The following TIMELESS variants were observed in gnomAD, a reference collection of about 807,000 sequenced individuals.
TIMELESS encodes protein timeless homolog.
TIMELESS carries 124 observed loss-of-function variants against 164.3 expected under a neutral mutation model. The observed-to-expected ratio is 0.75, with a 90% CI of 0.65 to 0.88. The LOEUF (loss-of-function observed/expected upper bound fraction) is 0.88, where lower values mean the gene tolerates loss of function less well. Among genes scored for constraint, TIMELESS ranks in the 40% least tolerant of loss-of-function variants. The pLI is 0.00. For synonymous variants in TIMELESS, 564 were observed against 563.4 expected, an observed-to-expected ratio of 1.00 and a Z score of -0.02; for missense variants, 1,422 against 1,491.4, an observed-to-expected ratio of 0.95 and a Z score of 0.77.
chr12:56,432,322 A>G (rs765216554), intron 7 of TIMELESS, 47 bp downstream of exon 7: 2 of 1,573,722 alleles, frequency 1.3e-6, no homozygotes, highest in Admixed American at 1.7e-5. Flanking sequence ...TGTACAGCAG[A>G]AAAGTACATG....
chr12:56,431,963 C>A (rs1271719656), intron 7 of TIMELESS, among the ~76,000 whole-genome samples: 3 of 151,720 alleles, frequency 2.0e-5, no homozygotes, highest in Non-Finnish European at 2.9e-5. Context: ...TACACATATT[C>A]TATTATGTTT....
intron 1 of TIMELESS, among the ~76,000 whole-genome samples, chr12:56,437,493 G>A (rs1014042551): frequency 7.3e-5 from 11 of 151,554 alleles, no homozygotes; most frequent in African/African-American, 2.4e-4. Flanking sequence ...GTACAATCAC[G>A]GCTCACTGTA....
chr12:56,421,224 C>A (rs534049350), intron 23 of TIMELESS, 90 bp from the exon 24 acceptor site: 623 of 1,588,072 alleles, frequency 3.9e-4, no homozygotes, highest in Non-Finnish European at 4.9e-4. Context: ...CGCACCCCCC[C>A]GCGCCTGCTC....
rs1349041347 is a variant in TIMELESS, at chr12:56,417,738, A to C, written c.3605T>G (p.Ile1202Ser). The change falls in exon 29 of 29, where the codon ATT becomes AGT. Residue 1202 changes from isoleucine to serine, a missense_variant. Physicochemically the swap from Ile to Ser is moderately radical, Grantham distance 142. Coordinates refer to ENST00000553532, the MANE Select transcript of TIMELESS (RefSeq NM_003920.5). Reference protein sequence around the residue: ...PGIQKKKRYQIEDDEDD With the variant: ...PGIQKKKRYQSEDDEDD The stretch of plus-strand genomic sequence containing the variant: ...TCTTCAGTCATCCTCATCATCCTCA[A>C]TCTGGTATCGTTTCTTCTTTTGGAT... The C allele has an allele frequency of 1.2e-6, 2 of 1,613,824 alleles. No homozygotes were observed.
chr12:56,417,713 TC>T lies in TIMELESS; in HGVS notation c.*2del. 1.2e-6 allele frequency: 2 copies of T among 1,614,140 alleles called. No homozygotes were observed. The highest frequency in any genetic ancestry group is 1.7e-6 in the Non-Finnish European group (2 of 1,180,012). ...TATCTCTACCCCTAGGCTTCTTAGC[TC>T]TTCAGTCATCCTCATCATCCTCAAT... is the stretch of plus-strand genomic sequence containing the variant. On this transcript the variant is annotated 3_prime_UTR_variant, in exon 29 of 29. Coordinates refer to ENST00000553532, the MANE Select transcript of TIMELESS (RefSeq NM_003920.5).
At position 56,418,219 on chromosome 12, in the gene TIMELESS, C is replaced by T. The variant is rs199741982; in HGVS notation, c.3369G>A (p.Glu1123=). 1.4e-5 allele frequency: 22 copies of T among 1,614,082 alleles called. No individual in the cohort carries two copies. The highest frequency in any genetic ancestry group is 1.8e-5 in the Non-Finnish European group (21 of 1,180,036). The part of the protein sequence containing the change: ...PKVPGEQGSD[E]EHCKEHRAQA... ...GTGCTCGGTGCTCTTTACAGTGCTC[C>T]TCATCAGAGCCTTGCTCTCCAGGGA... Residue 1123 remains glutamate, a synonymous_variant, in exon 27 of 29, where the codon GAG becomes GAA. Transcript: ENST00000553532.
At chr12:56,432,846 G>A (rs931661784) in intron 6 of TIMELESS, among the ~76,000 whole-genome samples, 180 bp downstream of exon 6, 3 of 151,546 alleles carry the variant, frequency 2.0e-5, no homozygotes, top group Non-Finnish European at 2.9e-5. Context: ...CTACTCAGGA[G>A]GCAGAGGCTG....
At chr12:56,441,182 T>C (rs544007219) in intron 1 of TIMELESS, among the ~76,000 whole-genome samples, 2 of 152,240 alleles carry the variant, frequency 1.3e-5, no homozygotes, top group Non-Finnish European at 2.9e-5. Flanking sequence ...TTTTTAAATG[T>C]TATTTTTCTA....
chr12:56,419,105 C>T (rs540831178), intron 26 of TIMELESS, among the ~76,000 whole-genome samples: 1 of 151,802 alleles, frequency 6.6e-6, no homozygotes, highest in East Asian at 2.0e-4. Context: ...AATTCTCCTG[C>T]CTCAGCCTCC....
At chr12:56,429,130 A>C (rs767328823) in intron 10 of TIMELESS, 30 bp from the exon 11 acceptor site, 1 of 1,579,496 alleles carries the variant, frequency 6.3e-7, no homozygotes, top group South Asian at 1.1e-5. Flanking sequence ...AAAAAAGATC[A>C]CCATGACTCC....
chr12:56,437,258 G>A (rs2136149084), intron 1 of TIMELESS, among the ~76,000 whole-genome samples: 1 of 152,156 alleles, frequency 6.6e-6, no homozygotes, highest in East Asian at 1.9e-4. Flanking sequence ...GCCGAATTTT[G>A]AATCAACAGA....
At chr12:56,446,892 A>G (rs186217285) in intron 1 of TIMELESS, among the ~76,000 whole-genome samples, 87 of 152,038 alleles carry the variant, frequency 5.7e-4, no homozygotes, top group Middle Eastern at 3.4e-3. Flanking sequence ...CTTAATGTCT[A>G]CTGTGTACCA....
chr12:56,447,214 G>A (rs1182566970), intron 1 of TIMELESS, among the ~76,000 whole-genome samples: 3 of 131,210 alleles, frequency 2.3e-5, no homozygotes, highest in Admixed American at 8.5e-5. Context: ...TTTTTTAGTA[G>A]AGATAGGAAT....
Position 56,433,101 on chromosome 12 carries a change from G to A in TIMELESS, c.456C>T (p.Asp152=). The A allele has an allele frequency of 1.9e-6, 3 of 1,614,086 alleles. No homozygotes were observed. The highest frequency in any genetic ancestry group is 2.5e-6 in the Non-Finnish European group (3 of 1,179,990). ...QLGWEERQEE[D]NLLIERILLL... ...GTAGGATCCGTTCAATCAGCAAGTT[G>A]TCTTCCTCCTGCCGTTCCTCCCAGC... The change falls in exon 6 of 29, where the codon GAC becomes GAT. Residue 152 remains aspartate (D), a synonymous_variant. Transcript: ENST00000553532.
intron 1 of TIMELESS, among the ~76,000 whole-genome samples, chr12:56,442,083 C>CAA (rs34126247): frequency 0.036 from 3,368 of 93,506 alleles, 312 homozygotes; most frequent in African/African-American, 0.083. Context: ...GACTCCGTCT[C>CAA]AAAAAAAAAA....
chr12:56,432,172 C>A (rs1176748161), intron 7 of TIMELESS, among the ~76,000 whole-genome samples, 197 bp downstream of exon 7: 1 of 152,130 alleles, frequency 6.6e-6, no homozygotes, highest in Non-Finnish European at 1.5e-5. Context: ...TATTTTCAGA[C>A]CATGGTTGAC....
chr12:56,432,600 T>C (rs1881927767), intron 6 of TIMELESS, 76 bp from the exon 7 acceptor site: 1 of 1,553,674 alleles, frequency 6.4e-7, no homozygotes, highest in East Asian at 2.3e-5. Context: ...TCCAACTCAT[T>C]CTTTGACCAA....
chr12:56,420,984 C>A lies in TIMELESS; in HGVS notation c.3019G>T (p.Gly1007Cys). The change falls in exon 24 of 29, where the codon GGT (glycine) becomes TGT (cysteine). Residue 1007 changes from glycine (G) to cysteine (C), a missense_variant. By Grantham distance (159) the Gly-to-Cys change is radical (BLOSUM62 -3). Coordinates refer to ENST00000553532, the MANE Select transcript of TIMELESS (RefSeq NM_003920.5). ...TCACCTTCCTGATGCAGGCTTTGAC[C>A]AAGGTTTTCATTTGAAAGGACTAAG... is the stretch of plus-strand genomic sequence containing the variant. ...GSLVLSNENL[G>C]QSLHQEGFSI... 1.2e-6 allele frequency: 2 copies of A among 1,614,152 alleles called. No homozygotes were observed. The highest frequency in any genetic ancestry group is 8.5e-7 in the Non-Finnish European group (1 of 1,180,022).
chr12:56,433,826 CAGA>C lies in TIMELESS; in HGVS notation c.195_197del (p.Leu66del). The C allele has an allele frequency of 3.1e-6, 5 of 1,614,128 alleles. No homozygotes were observed. The highest frequency in any genetic ancestry group is 4.2e-6 in the Non-Finnish European group (5 of 1,180,040). Reference sequence around the variant, plus strand: ...CCTGGTGGTGCTGGGTGAGGATGGGCAGAAGGTCGCTCTGTAGGATCTGGGCTG... The same window carrying C: ...CCTGGTGGTGCTGGGTGAGGATGGGCAGGTCGCTCTGTAGGATCTGGGCTG... On this transcript the variant is annotated inframe_deletion, in exon 3 of 29. Transcript: ENST00000553532.
Sources: gnomAD v4.1 joint callset for allele counts (sites outside exome capture counted in the v4.1 genomes callset) on GRCh38, gnomAD v4.1.1 for gene constraint, MANE v1.5 for transcripts, NCBI Gene and HGNC (gene_info 2026-07-23, HGNC 2026-07-21) for gene names.